ARHGAP32: variants seen among roughly 807,000 people sequenced by gnomAD.
ARHGAP32 encodes Rho GTPase activating protein 32, also known as rho GTPase-activating protein 32.
A neutral mutation model predicts 186.5 loss-of-function variants in ARHGAP32; 51 were observed. The observed-to-expected ratio is 0.27, with a 90% CI of 0.22 to 0.35. ARHGAP32 has a LOEUF of 0.35. ARHGAP32 is among the 10% of genes least tolerant of loss of function. The pLI, the probability that ARHGAP32 is intolerant of heterozygous loss-of-function variation, is 1.00. For missense variants in ARHGAP32, 2,186 were observed against 2,623.5 expected, an observed-to-expected ratio of 0.83 and a Z score of 3.64; for synonymous variants, 950 against 964.3, an observed-to-expected ratio of 0.99 and a Z score of 0.27.
intron 5 of ARHGAP32, among the ~76,000 whole-genome samples, chr11:129,122,271 A>G (rs1362381505): frequency 2.0e-5 from 3 of 151,966 alleles, no homozygotes; most frequent in African/African-American, 4.8e-5. Flanking sequence ...TTTCTTTTCA[A>G]TTTGCTAAAA....
chr11:128,978,505 A>G (rs1419552129), intron 19 of ARHGAP32, among the ~76,000 whole-genome samples: 2 of 152,222 alleles, frequency 1.3e-5, no homozygotes, highest in African/African-American at 4.8e-5. Flanking sequence ...TATACAAGGT[A>G]TATGTGAATT....
intron 1 of ARHGAP32, among the ~76,000 whole-genome samples, chr11:129,224,012 A>G (rs932049195): frequency 6.6e-6 from 1 of 152,204 alleles, no homozygotes; most frequent in African/African-American, 2.4e-5. Context: ...CTTGAGTACA[A>G]GTGAAGAGCT....
chr11:129,128,871 T>G (rs1030332853), intron 2 of ARHGAP32, among the ~76,000 whole-genome samples: 1 of 152,170 alleles, frequency 6.6e-6, no homozygotes, highest in African/African-American at 2.4e-5. Flanking sequence ...AGACGGAGTC[T>G]CGCTCACTCA....
intron 11 of ARHGAP32, among the ~76,000 whole-genome samples, chr11:129,040,246 A>G (rs1364628685): frequency 6.6e-6 from 1 of 152,132 alleles, no homozygotes; most frequent in East Asian, 1.9e-4. Flanking sequence ...GGAGGTGGGA[A>G]AGGACAGAAG....
intron 11 of ARHGAP32, among the ~76,000 whole-genome samples, chr11:129,020,554 T>C (rs776315787): frequency 6.6e-6 from 1 of 152,106 alleles, no homozygotes; most frequent in Admixed American, 6.5e-5. Context: ...CCACATACTT[T>C]ATAAAAATTA....
intron 6 of ARHGAP32, among the ~76,000 whole-genome samples, chr11:129,084,110 A>G (rs1941306396): frequency 6.6e-6 from 1 of 152,134 alleles, no homozygotes; most frequent in South Asian, 2.1e-4. Context: ...AACTCACACA[A>G]GAAGAAAAAG....
chr11:129,111,473 G>A (rs1467388370), intron 5 of ARHGAP32, among the ~76,000 whole-genome samples: 1 of 152,180 alleles, frequency 6.6e-6, no homozygotes, highest in Non-Finnish European at 1.5e-5. Flanking sequence ...TGAGGAGAGT[G>A]ATGTTAGTTC....
chr11:129,249,333 A>G (rs1945147918), intron 1 of ARHGAP32, among the ~76,000 whole-genome samples: 2 of 152,248 alleles, frequency 1.3e-5, no homozygotes, highest in South Asian at 4.1e-4. Flanking sequence ...ATATATATAC[A>G]CACACACATA....
intron 2 of ARHGAP32, among the ~76,000 whole-genome samples, chr11:129,147,930 T>C (rs1395224769): frequency 1.3e-5 from 2 of 152,158 alleles, no homozygotes; most frequent in Non-Finnish European, 2.9e-5. Flanking sequence ...ACAAAGACAT[T>C]ACTATTCAAC....
intron 13 of ARHGAP32, 30 bp from the exon 14 acceptor site, chr11:128,986,698 C>A (rs1415067866): frequency 5.0e-6 from 8 of 1,609,122 alleles, no homozygotes; most frequent in Non-Finnish European, 6.8e-6. Flanking sequence ...ACAAGCAAAT[C>A]ATTTGATTGA....
At chr11:129,220,086 C>G (rs1332191572) in intron 1 of ARHGAP32, among the ~76,000 whole-genome samples, 5 of 152,124 alleles carry the variant, frequency 3.3e-5, no homozygotes, top group African/African-American at 9.7e-5. Flanking sequence ...CTTTAGAAAA[C>G]TAGATCAGAC....
intron 5 of ARHGAP32, among the ~76,000 whole-genome samples, chr11:129,111,739 T>C (rs1412246217): frequency 6.6e-6 from 1 of 152,024 alleles, no homozygotes; most frequent in Admixed American, 6.6e-5. Flanking sequence ...TCCATTGTAA[T>C]GTCTATTTTT....
At chr11:129,181,289 C>T (rs1944049058) in intron 1 of ARHGAP32, among the ~76,000 whole-genome samples, 1 of 152,160 alleles carries the variant, frequency 6.6e-6, no homozygotes. Flanking sequence ...CTATTAGCAA[C>T]AGAGAATTTG....
In ARHGAP32 at chr11:129,251,657, G is replaced by A. The variant is rs543991799; in HGVS notation, c.-5+27489C>T. 2.4e-4 allele frequency among the ~76,000 whole-genome samples: 36 copies of A among 152,142 alleles called. No individual in the cohort carries two copies. In the South Asian group the frequency reaches 6.8e-3, roughly 29 times the overall value. On this transcript the variant is annotated intron_variant, in intron 1 of 6. Transcript: ENST00000525234. Reference sequence around the variant, plus strand: ...AAACAACAAAGTACCAGCCCAGCGCGGTGGCTCACACCTATAATCCCAGCT... The same window carrying A: ...AAACAACAAAGTACCAGCCCAGCGCAGTGGCTCACACCTATAATCCCAGCT...
chr11:129,163,646 C>T (rs1943574095), intron 2 of ARHGAP32, among the ~76,000 whole-genome samples: 1 of 152,126 alleles, frequency 6.6e-6, no homozygotes, highest in Admixed American at 6.6e-5. Flanking sequence ...AAGCTACCAT[C>T]ACTATTTACC....
intron 3 of ARHGAP32, 92 bp from the exon 4 acceptor site, chr11:129,124,021 T>C: frequency 1.0e-6 from 1 of 958,040 alleles, no homozygotes; most frequent in Non-Finnish European, 1.4e-6. Context: ...AAGATGGTTT[T>C]CCTCTTTAAA....
Position 129,160,358 on chromosome 11 carries a change from G to A in ARHGAP32, c.225+3961C>T, listed in dbSNP as rs142128842. ...GATTGTATATTTAAAAAACCCCATC[G>A]TCTCAACCCAAAATCTCCTTAAGCT... On this transcript the variant is annotated intron_variant, in intron 2 of 22. Transcript: ENST00000682385. Among the ~76,000 whole-genome samples, 614 of 152,150 alleles carry A rather than the reference G, an allele frequency of 4.0e-3. 1 individual carries two copies. Among genetic ancestry groups the A allele is most frequent in the Middle Eastern group, 0.01 (3 of 294 alleles).
At chr11:129,215,166 C>T (rs746750339) in intron 1 of ARHGAP32, among the ~76,000 whole-genome samples, 72 of 152,176 alleles carry the variant, frequency 4.7e-4, no homozygotes, top group Non-Finnish European at 4.4e-4. Flanking sequence ...GTGACCACAA[C>T]CCCCAGCCCT....
chr11:129,149,103 T>C (rs534695445), intron 2 of ARHGAP32, among the ~76,000 whole-genome samples: 1 of 152,274 alleles, frequency 6.6e-6, no homozygotes, highest in African/African-American at 2.4e-5. Flanking sequence ...TCCTGGCCAA[T>C]GCAGGGCAAG....
Sources: allele counts gnomAD v4.1 joint callset (sites outside exome capture counted in the v4.1 genomes callset), GRCh38; gene constraint gnomAD v4.1.1; transcripts MANE v1.5; gene names NCBI Gene and HGNC (gene_info 2026-07-23, HGNC 2026-07-21).